PPP2R2B: variants seen among roughly 807,000 people sequenced by gnomAD.
The protein encoded by PPP2R2B is protein phosphatase 2 regulatory subunit Bbeta.
Under a neutral mutation model 46.0 loss-of-function variants are expected in PPP2R2B, and 5 were observed. The observed-to-expected ratio is 0.11, with a 90% CI of 0.06 to 0.23. The LOEUF is 0.23. PPP2R2B is among the 10% of genes least tolerant of loss of function. The pLI is 1.00. For missense variants in PPP2R2B, 367 were observed against 575.0 expected (o/e 0.64, Z 3.70); for synonymous variants, 215 against 206.7 (o/e 1.04, Z -0.34).
chr5:146,705,467 G>A (rs1779780773), intron 2 of PPP2R2B, among the ~76,000 whole-genome samples: 1 of 152,164 alleles, frequency 6.6e-6, no homozygotes, highest in South Asian at 2.1e-4. Context: ...GGGGAGGTAG[G>A]ATGTGTATCA....
intron 1 of PPP2R2B, among the ~76,000 whole-genome samples, chr5:146,899,228 T>C (rs186411263): frequency 1.4e-5 from 2 of 146,052 alleles, no homozygotes; most frequent in East Asian, 2.1e-4. Flanking sequence ...CCAACCCAAG[T>C]GTCCAAGAAT....
intron 2 of PPP2R2B, among the ~76,000 whole-genome samples, chr5:146,711,237 T>A (rs1780199341): frequency 6.6e-6 from 1 of 152,104 alleles, no homozygotes; most frequent in Non-Finnish European, 1.5e-5. Flanking sequence ...CTCAATCTTT[T>A]TTTTTCTATG....
chr5:146,734,081 G>A (rs1442192674), intron 2 of PPP2R2B, among the ~76,000 whole-genome samples: 1 of 150,300 alleles, frequency 6.7e-6, no homozygotes, highest in Admixed American at 6.6e-5. Flanking sequence ...TTGAGACAGG[G>A]TTTTACTCTG....
intron 2 of PPP2R2B, among the ~76,000 whole-genome samples, chr5:146,860,771 A>G (rs1303963934): frequency 6.6e-6 from 1 of 152,142 alleles, no homozygotes; most frequent in African/African-American, 2.4e-5. Context: ...TTTTTCTTAG[A>G]TGAGTTTTCC....
At chr5:147,051,216 T>C (rs1452891068) in intron 1 of PPP2R2B, among the ~76,000 whole-genome samples, 2 of 152,228 alleles carry the variant, frequency 1.3e-5, no homozygotes, top group Non-Finnish European at 2.9e-5. Context: ...TCAGAGAGTT[T>C]GGACTTGAGT....
At chr5:146,632,869 C>A (rs1774535106) in intron 7 of PPP2R2B, among the ~76,000 whole-genome samples, 1 of 152,084 alleles carries the variant, frequency 6.6e-6, no homozygotes, top group Non-Finnish European at 1.5e-5. Flanking sequence ...GGAAGCAAGC[C>A]AGTGTGGCCA....
At chr5:147,079,429 ACATT>A (rs1757901019) in intron 2 of PPP2R2B, among the ~76,000 whole-genome samples, 1 of 110,836 alleles carries the variant, frequency 9.0e-6, no homozygotes, top group African/African-American at 3.4e-5. Flanking sequence ...AAACACACAC[ACATT>A]TTATATATAT....
At chr5:146,790,503 G>A (rs1363860902) in intron 2 of PPP2R2B, among the ~76,000 whole-genome samples, 1 of 152,158 alleles carries the variant, frequency 6.6e-6, no homozygotes, top group Non-Finnish European at 1.5e-5. Flanking sequence ...ACTAGAAACT[G>A]GGGCAGTAGC....
In PPP2R2B at chr5:146,626,206, T is replaced by G. The variant is rs1774054902; in HGVS notation, c.790+12045A>C. On this transcript the variant is annotated intron_variant, in intron 7 of 9. Coordinates refer to ENST00000394411, the MANE Select transcript of PPP2R2B (RefSeq NM_181675.4). Reference sequence around the variant, plus strand: ...AGAGAGAAAGAGGTGAACTTTGATTTCACTGTGGAGGGGAAAAACGGGCAG... The same window carrying G: ...AGAGAGAAAGAGGTGAACTTTGATTGCACTGTGGAGGGGAAAAACGGGCAG... 1.3e-5 allele frequency among the ~76,000 whole-genome samples: 2 copies of G among 150,086 alleles called. 1 individual carries two copies. Among genetic ancestry groups the G allele is most frequent in the South Asian group, 4.2e-4 (2 of 4,790 alleles).
At chr5:147,053,001 T>A (rs971466625) in intron 1 of PPP2R2B, among the ~76,000 whole-genome samples, 1 of 152,074 alleles carries the variant, frequency 6.6e-6, no homozygotes, top group Non-Finnish European at 1.5e-5. Flanking sequence ...ATGCCTTTGA[T>A]ACACTAAATA....
At chr5:147,020,429 T>A (rs1386038728) in intron 1 of PPP2R2B, among the ~76,000 whole-genome samples, 1 of 152,162 alleles carries the variant, frequency 6.6e-6, no homozygotes, top group Non-Finnish European at 1.5e-5. Flanking sequence ...ATATGTGATT[T>A]ATAAATATGT....
intron 2 of PPP2R2B, among the ~76,000 whole-genome samples, chr5:146,768,818 A>G (rs1374179936): frequency 6.6e-6 from 1 of 151,484 alleles, no homozygotes; most frequent in Admixed American, 6.6e-5. Flanking sequence ...TGTTTCTGAG[A>G]CTTTTTACAG....
intron 7 of PPP2R2B, among the ~76,000 whole-genome samples, chr5:146,623,149 G>T (rs555366067): frequency 1.3e-5 from 2 of 152,308 alleles, no homozygotes; most frequent in African/African-American, 4.8e-5. Context: ...TTGTGGTTTT[G>T]TGGCCCCACA....
At chr5:146,924,201 C>A (rs1421958515) in intron 1 of PPP2R2B, among the ~76,000 whole-genome samples, 1 of 152,186 alleles carries the variant, frequency 6.6e-6, no homozygotes, top group East Asian at 1.9e-4. Context: ...AACAAACCTG[C>A]ACTTGTACCT....
At chr5:146,756,237 C>A (rs1033898427) in intron 2 of PPP2R2B, among the ~76,000 whole-genome samples, 1 of 152,116 alleles carries the variant, frequency 6.6e-6, no homozygotes, top group Non-Finnish European at 1.5e-5. Flanking sequence ...GCATTTTATA[C>A]CCTACAAAGT....
intron 2 of PPP2R2B, among the ~76,000 whole-genome samples, chr5:146,824,033 C>G (rs1758425281): frequency 6.6e-6 from 1 of 152,220 alleles, no homozygotes; most frequent in African/African-American, 2.4e-5. Flanking sequence ...GCTCTCCCAA[C>G]AGGTTTCCAC....
At chr5:147,029,576 C>T (rs1466024238) in intron 1 of PPP2R2B, among the ~76,000 whole-genome samples, 1 of 151,982 alleles carries the variant, frequency 6.6e-6, no homozygotes, top group Admixed American at 6.6e-5. Context: ...CTGAACTGTG[C>T]CCCCCTGCAA....
intron 2 of PPP2R2B, among the ~76,000 whole-genome samples, chr5:146,834,880 G>T (rs919858256): frequency 9.2e-5 from 14 of 152,054 alleles, no homozygotes; most frequent in African/African-American, 3.4e-4. Context: ...GCAGTATTTG[G>T]TTTTCTGTTC....
intron 7 of PPP2R2B, among the ~76,000 whole-genome samples, chr5:146,603,951 A>G (rs1459708381): frequency 6.6e-6 from 1 of 152,232 alleles, no homozygotes. Flanking sequence ...GCATTCATTT[A>G]TAAGTTAAGT....
Sources: gnomAD v4.1 joint callset for allele counts (sites outside exome capture counted in the v4.1 genomes callset) on GRCh38, gnomAD v4.1.1 for gene constraint, MANE v1.5 for transcripts, NCBI Gene and HGNC (gene_info 2026-07-23, HGNC 2026-07-21) for gene names.